Variants in CDC45 observed in about 807,000 individuals in gnomAD.
CDC45 encodes cell division control protein 45 homolog.
In CDC45, 54 loss-of-function variants were observed where a neutral mutation model predicts 77.8. The observed-to-expected ratio is 0.69, with a 90% CI of 0.56 to 0.87. The LOEUF is 0.87. CDC45 is among the 40% of genes least tolerant of loss of function. The pLI, the probability that CDC45 is intolerant of heterozygous loss-of-function variation, is 0.00. For synonymous variants in CDC45, 260 were observed against 272.1 expected, an observed-to-expected ratio of 0.96 and a Z score of 0.44; for missense variants, 649 against 721.6, an observed-to-expected ratio of 0.90 and a Z score of 1.15.
At chr22:19,489,818 A>G (rs906924204) in intron 5 of CDC45, among the ~76,000 whole-genome samples, 2 of 152,156 alleles carry the variant, frequency 1.3e-5, no homozygotes, top group Non-Finnish European at 2.9e-5. Context: ...GGTGGTGTTG[A>G]GTTCTGTTTG....
intron 17 of CDC45, among the ~76,000 whole-genome samples, chr22:19,517,642 TCTC>T (rs1933874215): frequency 1.3e-5 from 2 of 152,084 alleles, no homozygotes; most frequent in African/African-American, 2.4e-5. Context: ...AGGGCTGGCT[TCTC>T]CTCAGGCCTC....
intron 2 of CDC45, 127 bp downstream of exon 2, chr22:19,480,344 G>A (rs2089957999): frequency 1.2e-6 from 1 of 861,352 alleles, no homozygotes; most frequent in Non-Finnish European, 1.9e-6. Flanking sequence ...AGCAGGGCAG[G>A]AGGTGAACAG....
chr22:19,515,393 AGCTGATTTCCTGTGCCTG>A (rs1406437973), intron 15 of CDC45, among the ~76,000 whole-genome samples: 2 of 152,104 alleles, frequency 1.3e-5, no homozygotes, highest in African/African-American at 4.8e-5. Context: ...TTGTCCACTA[AGCTGATTTCCTGTGCCTG>A]GCTTTGTCTT....
In CDC45 at chr22:19,518,757, G is replaced by T. The variant is rs1478383000; in HGVS notation, c.1637-87G>T. The T allele has an allele frequency of 3.9e-6, 4 of 1,034,656 alleles. No homozygotes were observed. The Admixed American group carries it at 6.8e-5, about 18-fold the overall frequency. The allele number at this position is 1,034,656 out of a possible 1,614,324, so 64.1% of individuals were successfully genotyped here. On this transcript the variant is annotated intron_variant, in intron 17 of 18. Coordinates refer to ENST00000263201, the MANE Select transcript of CDC45 (RefSeq NM_003504.5). ...GAGCCGCGCACTTTGGAATGCAGTGGAGGGCAGGCAGCGGAGGGGAGTTCT... is the reference window on the plus strand; with the variant it reads ...GAGCCGCGCACTTTGGAATGCAGTGTAGGGCAGGCAGCGGAGGGGAGTTCT...
At chr22:19,518,433 G>T (rs1436666435) in intron 17 of CDC45, among the ~76,000 whole-genome samples, 2 of 152,192 alleles carry the variant, frequency 1.3e-5, no homozygotes, top group African/African-American at 2.4e-5. Flanking sequence ...GTCCCCTTGT[G>T]CGGAAGAGAA....
intron 5 of CDC45, among the ~76,000 whole-genome samples, chr22:19,492,169 C>G (rs1431893649): frequency 6.6e-6 from 1 of 152,144 alleles, no homozygotes; most frequent in Non-Finnish European, 1.5e-5. Flanking sequence ...TTCAGTGCAC[C>G]CTCTTTCTCC....
rs2089967902 is a variant in CDC45, at chr22:19,480,824, G to A, written c.112-129G>A. The A allele has an allele frequency of 2.7e-5, 16 of 596,296 alleles. No homozygotes were observed. The East Asian group carries it at 3.5e-4, about 13-fold the overall frequency. The allele number at this position is 596,296 out of a possible 1,614,324, so 36.9% of individuals were successfully genotyped here. On this transcript the variant is annotated intron_variant, in intron 2 of 18. Transcript: ENST00000263201. ...CCCTAGCACCTAGCTTTTCCCGTAA[G>A]CATTTCACTAGCTTTAATGTTATCC... is the stretch of plus-strand genomic sequence containing the variant.
rs1026749546 is a variant in CDC45, at chr22:19,480,978, A to G, written c.137A>G (p.Gln46Arg). ...GCCTTGTTCCAGTGTGACCACGTGCAATATACGCTGGTTCCAGTTTCTGGG... is the reference window on the plus strand; with the variant it reads ...GCCTTGTTCCAGTGTGACCACGTGCGATATACGCTGGTTCCAGTTTCTGGG... ...LQALFQCDHV[Q>R]YTLVPVSGWQ... Residue 46 changes from glutamine (Q) to arginine (R), a missense_variant, in exon 3 of 19, where the codon CAA (glutamine) becomes CGA (arginine). Gln to Arg is a conservative substitution (Grantham distance 43). Coordinates refer to ENST00000263201, the MANE Select transcript of CDC45 (RefSeq NM_003504.5). 6.8e-6 allele frequency: 11 copies of G among 1,613,312 alleles called. No homozygotes were observed. Among genetic ancestry groups the G allele is most frequent in the Non-Finnish European group, 9.3e-6 (11 of 1,179,550 alleles).
chr22:19,494,265 G>A, intron 5 of CDC45, 62 bp from the exon 6 acceptor site: 2 of 1,479,244 alleles, frequency 1.4e-6, no homozygotes, highest in Non-Finnish European at 1.9e-6. Context: ...ACCTTCTTGG[G>A]CTGTGGGGAT....
chr22:19,510,657 T>C (rs1000530205), intron 13 of CDC45, among the ~76,000 whole-genome samples: 2 of 151,948 alleles, frequency 1.3e-5, no homozygotes, highest in African/African-American at 4.8e-5. Flanking sequence ...GCCTACCGAG[T>C]AGCTGGGATT....
chr22:19,482,123 G>A (rs1193690407), intron 3 of CDC45, among the ~76,000 whole-genome samples: 2 of 152,162 alleles, frequency 1.3e-5, no homozygotes, highest in African/African-American at 4.8e-5. Flanking sequence ...GAGGGGATGG[G>A]ACATGGAAGA....
chr22:19,481,585 T>C (rs1044097939), intron 3 of CDC45, among the ~76,000 whole-genome samples: 5 of 152,108 alleles, frequency 3.3e-5, no homozygotes, highest in Non-Finnish European at 5.9e-5. Context: ...TTCACCATGT[T>C]AGTCAGGATG....
In CDC45 at chr22:19,480,238, G is replaced by A. The variant is rs2089954593; in HGVS notation, c.111+21G>A. The A allele has an allele frequency of 3.1e-6, 5 of 1,611,862 alleles. No individual in the cohort carries two copies. The Admixed American group carries it at 5.0e-5, about 16-fold the overall frequency. ...TTCAGGTGAGTTCTGCGGACCCTAG[G>A]AGGGCGGGGCCGGCGCGCGAGGTGA... On this transcript the variant is annotated intron_variant, in intron 2 of 18. Coordinates refer to ENST00000263201, the MANE Select transcript of CDC45 (RefSeq NM_003504.5).
rs1219986502 is a variant in CDC45 at position 19,482,704 on chromosome 22, T to C, written c.219T>C (p.Ile73=). The C allele has an allele frequency of 1.2e-6, 2 of 1,612,668 alleles. No individual in the cohort carries two copies. The highest frequency in any genetic ancestry group is 1.3e-5 in the African/African-American group (1 of 74,852). The change falls in exon 4 of 19, where the codon ATT becomes ATC. Residue 73 remains isoleucine (I), a synonymous_variant. Coordinates refer to ENST00000263201, the MANE Select transcript of CDC45 (RefSeq NM_003504.5). The part of the protein sequence containing the change: ...LEHKEQFHYF[I]LINCGANVDL... ...CTTTTTTTCAGTTTCATTATTTTATTCTCATAAACTGTGGAGCTAATGTAG... is the reference window on the plus strand; with the variant it reads ...CTTTTTTTCAGTTTCATTATTTTATCCTCATAAACTGTGGAGCTAATGTAG...
At chr22:19,509,920 A>G (rs1388284729) in intron 13 of CDC45, among the ~76,000 whole-genome samples, 1 of 152,040 alleles carries the variant, frequency 6.6e-6, no homozygotes, top group African/African-American at 2.4e-5. Flanking sequence ...ATGCCATACA[A>G]TTCACCCATT....
intron 4 of CDC45, among the ~76,000 whole-genome samples, chr22:19,483,404 C>CT (rs2090015457): frequency 6.6e-6 from 1 of 152,110 alleles, no homozygotes; most frequent in Admixed American, 6.5e-5. Flanking sequence ...TGCACTCCAG[C>CT]TTGGGCGACA....
chr22:19,516,743 T>G, intron 16 of CDC45, 74 bp from the exon 17 acceptor site: 1 of 861,274 alleles, frequency 1.2e-6, no homozygotes, highest in Non-Finnish European at 1.7e-6. Flanking sequence ...GCCTCTAGTG[T>G]CTGTCCTGGG....
Position 19,484,014 on chromosome 22 carries a change from G to A in CDC45, c.486+9G>A, listed in dbSNP as rs764306890. 2 of 1,590,556 alleles carry A rather than the reference G, an allele frequency of 1.3e-6. No homozygotes were observed. Among genetic ancestry groups the A allele is most frequent in the African/African-American group, 2.7e-5 (2 of 73,496 alleles). On this transcript the variant is annotated intron_variant, in intron 5 of 18. Transcript: ENST00000263201. ...GCACACGGTTAGAAGAGGTGAGTTT[G>A]GGTCTCTCACAGCTATCCCAGAGGA... is the stretch of plus-strand genomic sequence containing the variant.
chr22:19,493,635 GGTTTTACCAT>G (rs2090191432), intron 5 of CDC45, among the ~76,000 whole-genome samples: 1 of 152,092 alleles, frequency 6.6e-6, no homozygotes, highest in Non-Finnish European at 1.5e-5. Flanking sequence ...GTAGAGACGG[GGTTTTACCAT>G]GTTGGCCAGG....
Sources: gnomAD v4.1 joint callset for allele counts (sites outside exome capture counted in the v4.1 genomes callset) on GRCh38, gnomAD v4.1.1 for gene constraint, MANE v1.5 for transcripts, NCBI Gene and HGNC (gene_info 2026-07-23, HGNC 2026-07-21) for gene names.